Variants in SH3BGR observed in about 807,000 individuals in gnomAD.
The protein encoded by SH3BGR is SH3 domain-binding glutamic acid-rich protein.
A neutral mutation model predicts 24.5 loss-of-function variants in SH3BGR; 29 were observed. The ratio of observed to expected loss-of-function variants is 1.18; its 90% CI spans 0.88 to 1.61. SH3BGR has a LOEUF of 1.61. SH3BGR is among the 40% of genes most tolerant of loss of function. SH3BGR has a pLI of 0.00. For synonymous variants in SH3BGR, 55 were observed against 65.7 expected, an observed-to-expected ratio of 0.84 and a Z score of 0.79; for missense variants, 162 against 205.8, an observed-to-expected ratio of 0.79 and a Z score of 1.30.
intron 1 of SH3BGR, among the ~76,000 whole-genome samples, chr21:39,458,713 C>G (rs536522799): frequency 7.5e-5 from 11 of 147,468 alleles, no homozygotes; most frequent in African/African-American, 2.8e-4. Context: ...GTGGCATGAT[C>G]TGGGCTTACT....
Position 39,452,232 on chromosome 21 carries a change from T to A in SH3BGR, c.45+91T>A. ...CCAACGTTGGCCTTCAGTTTCTTTT[T>A]TGCGTGTAGTCAGCTGTGGCTCTGC... is the stretch of plus-strand genomic sequence containing the variant. On this transcript the variant is annotated intron_variant, in intron 1 of 6. Transcript: ENST00000333634. The A allele has an allele frequency of 4.1e-6, 6 of 1,471,612 alleles. 1 individual carries two copies. Among genetic ancestry groups the A allele is most frequent in the Non-Finnish European group, 5.7e-6 (6 of 1,061,458 alleles). The allele number at this position is 1,471,612 out of a possible 1,614,324, so 91.2% of individuals were successfully genotyped here.
intron 1 of SH3BGR, among the ~76,000 whole-genome samples, chr21:39,459,883 G>A (rs897982107): frequency 4.6e-5 from 7 of 152,144 alleles, no homozygotes; most frequent in Non-Finnish European, 8.8e-5. Flanking sequence ...TACACTTTTT[G>A]TAAGTTTCTC....
intron 3 of SH3BGR, chr21:39,488,399 C>T: frequency 4.4e-6 from 1 of 227,778 alleles, no homozygotes; most frequent in South Asian, 7.7e-5. Context: ...TGGGTGATGG[C>T]AAGGCCCTTA....
chr21:39,465,960 A>T (rs1442520800), intron 2 of SH3BGR, among the ~76,000 whole-genome samples: 1 of 152,204 alleles, frequency 6.6e-6, no homozygotes, highest in Non-Finnish European at 1.5e-5. Flanking sequence ...CCTCTAATGA[A>T]AAACATTCAG....
In SH3BGR at chr21:39,452,074, G is replaced by A. The variant is rs760803246; in HGVS notation, c.-23G>A. ...TTCCCTGACAGGGGTGTGTTGGGGG[G>A]AGTCCTCTTTCCAACTGTCGAAATG... On this transcript the variant is annotated 5_prime_UTR_variant, in exon 1 of 7. Transcript: ENST00000333634. The A allele has an allele frequency of 2.9e-5, 46 of 1,614,004 alleles. No homozygotes were observed. In the South Asian group the frequency reaches 4.7e-4, roughly 17 times the overall value.
intron 3 of SH3BGR, among the ~76,000 whole-genome samples, chr21:39,476,582 C>T (rs2078031153): frequency 6.6e-6 from 1 of 152,148 alleles, no homozygotes; most frequent in Admixed American, 6.5e-5. Flanking sequence ...CCCTTGCGTC[C>T]CTGCTTGCTG....
chr21:39,499,698 G>T, intron 3 of SH3BGR, 125 bp from the exon 4 acceptor site: 1 of 625,526 alleles, frequency 1.6e-6, no homozygotes, highest in Middle Eastern at 4.4e-4. Flanking sequence ...TAATGAGTGG[G>T]CAGTCTATGT....
chr21:39,492,703 T>A (rs566905991), intron 3 of SH3BGR, among the ~76,000 whole-genome samples: 1 of 152,286 alleles, frequency 6.6e-6, no homozygotes, highest in Admixed American at 6.5e-5. Context: ...ATCCATACTG[T>A]TTTCCATAGT....
At chr21:39,460,794 T>A (rs1392427592) in intron 1 of SH3BGR, among the ~76,000 whole-genome samples, 3 of 152,086 alleles carry the variant, frequency 2.0e-5, no homozygotes, top group Admixed American at 2.0e-4. Context: ...ACAAAATTTT[T>A]ATTTTATTTT....
Position 39,454,198 on chromosome 21 carries a change from A to T in SH3BGR, c.45+2057A>T, listed in dbSNP as rs140503313. On this transcript the variant is annotated intron_variant, in intron 1 of 6. Coordinates refer to ENST00000333634, the MANE Select transcript of SH3BGR (RefSeq NM_007341.3). The stretch of plus-strand genomic sequence containing the variant: ...TTCACTCAAAACTTCTTGGCAGGAA[A>T]ACCCTAGAGTGGCTTCTTGTGCCCA... 2.0e-5 allele frequency among the ~76,000 whole-genome samples: 3 copies of T among 152,290 alleles called. No homozygotes were observed. The East Asian group carries it at 5.8e-4, about 29-fold the overall frequency.
chr21:39,501,082 G>T (rs1439071529), intron 4 of SH3BGR, among the ~76,000 whole-genome samples: 1 of 152,180 alleles, frequency 6.6e-6, no homozygotes, highest in Non-Finnish European at 1.5e-5. Context: ...ATTAAATATA[G>T]TGACCATTTC....
chr21:39,482,291 T>A (rs2078142430), intron 3 of SH3BGR, among the ~76,000 whole-genome samples: 1 of 152,154 alleles, frequency 6.6e-6, no homozygotes, highest in Non-Finnish European at 1.5e-5. Flanking sequence ...TTCAGTGTCA[T>A]GAAAGAAATA....
Position 39,511,700 on chromosome 21 carries a change from G to A in SH3BGR, c.456G>A (p.Glu152=), listed in dbSNP as rs749679231. The part of the protein sequence containing the change: ...ATEETEEIAM[E]GAEGEAEEEE... ...ATAAGACGGAAGAAATAGCCATGGA[G>A]GGTGCGGAAGGGGAAGCCGAGGAGG... The change falls in exon 6 of 7, where the codon GAG becomes GAA. Residue 152 remains glutamate (E), a synonymous_variant. Transcript: ENST00000333634. This position sits in a 1 kb window ranked among gnomAD's most constrained non-coding sequence, Gnocchi z 4.2. 15 of 1,610,880 alleles carry A rather than the reference G, an allele frequency of 9.3e-6. No individual in the cohort carries two copies. In the Admixed American group the frequency reaches 1.3e-4, roughly 14 times the overall value.
intron 3 of SH3BGR, among the ~76,000 whole-genome samples, chr21:39,484,782 A>G (rs1352453036): frequency 6.6e-6 from 1 of 152,194 alleles, no homozygotes; most frequent in East Asian, 1.9e-4. Context: ...TGCTGTCAGC[A>G]TTGCTTAGGT....
intron 3 of SH3BGR, among the ~76,000 whole-genome samples, chr21:39,489,055 G>T (rs552857256): frequency 6.6e-6 from 1 of 152,328 alleles, no homozygotes; most frequent in Admixed American, 6.5e-5. Context: ...CCAGAGGGAA[G>T]AAGGCATCAA....
chr21:39,483,164 T>C lies in SH3BGR; in HGVS notation c.312+7949T>C, dbSNP rs543417875. Among the ~76,000 whole-genome samples the C allele has an allele frequency of 1.1e-3, 162 of 152,340 alleles. 1 individual carries two copies. Among genetic ancestry groups the C allele is most frequent in the African/African-American group, 3.5e-3 (147 of 41,582 alleles). The stretch of plus-strand genomic sequence containing the variant: ...CAAATGGCCGTGTCCAAAGTTACTA[T>C]GTCTAAAGCTGCTTTAAGTTTTACA... On this transcript the variant is annotated intron_variant, in intron 3 of 6. Coordinates refer to ENST00000333634, the MANE Select transcript of SH3BGR (RefSeq NM_007341.3).
intron 1 of SH3BGR, among the ~76,000 whole-genome samples, chr21:39,453,617 C>T (rs762667309): frequency 6.6e-6 from 1 of 152,140 alleles, no homozygotes; most frequent in East Asian, 1.9e-4. Context: ...ATTTAGTTAG[C>T]TTTGGATGAC....
rs528100801 is a variant in SH3BGR, at chr21:39,489,118, G to A, written c.313-10705G>A. ...AATTGTGAGTGAAAGGTACAAGTTT[G>A]CAAGTCAGATGCTAGAGACCTGATA... On this transcript the variant is annotated intron_variant, in intron 3 of 6. Coordinates refer to ENST00000333634, the MANE Select transcript of SH3BGR (RefSeq NM_007341.3). 4.6e-5 allele frequency among the ~76,000 whole-genome samples: 7 copies of A among 152,308 alleles called. No homozygotes were observed. The South Asian group carries it at 1.4e-3, about 32-fold the overall frequency.
intron 3 of SH3BGR, among the ~76,000 whole-genome samples, chr21:39,498,391 T>G (rs2078434233): frequency 6.6e-6 from 1 of 152,182 alleles, no homozygotes. Flanking sequence ...TAAAAGAGCA[T>G]CAGGGAGGAG....
Sources: allele counts gnomAD v4.1 joint callset (sites outside exome capture counted in the v4.1 genomes callset), GRCh38; gene constraint gnomAD v4.1.1; non-coding constraint Gnocchi (gnomAD v3.1); transcripts MANE v1.5; gene names NCBI Gene and HGNC (gene_info 2026-07-23, HGNC 2026-07-21).